Variants in CDIN1 observed in about 807,000 individuals in gnomAD.
The protein encoded by CDIN1 is CDAN1 interacting nuclease 1.
CDIN1 carries 33 observed loss-of-function variants against 45.3 expected under a neutral mutation model. That is an observed-to-expected ratio of 0.73 (90% CI 0.55 to 0.97). CDIN1 has a LOEUF of 0.97. Ranked by LOEUF, CDIN1 falls within the 50% of genes least tolerant of loss-of-function variation. The pLI, the probability that CDIN1 is intolerant of heterozygous loss-of-function variation, is 0.00. For missense variants in CDIN1, 303 were observed against 339.4 expected (o/e 0.89, Z 0.84); for synonymous variants, 118 against 124.4 (o/e 0.95, Z 0.34).
intron 4 of CDIN1, among the ~76,000 whole-genome samples, chr15:36,656,313 G>A (rs184982811): frequency 1.3e-4 from 20 of 152,212 alleles, no homozygotes; most frequent in Admixed American, 4.6e-4. Context: ...ACATTACAGG[G>A]TGCAGCAACT....
At chr15:36,794,690 A>T (rs1240529825) in intron 10 of CDIN1, among the ~76,000 whole-genome samples, 1 of 152,172 alleles carries the variant, frequency 6.6e-6, no homozygotes, top group African/African-American at 2.4e-5. Flanking sequence ...TTCTTTATCC[A>T]TTCATACATC....
chr15:36,775,090 G>A (rs1321647315), intron 10 of CDIN1, among the ~76,000 whole-genome samples: 1 of 152,218 alleles, frequency 6.6e-6, no homozygotes, highest in Non-Finnish European at 1.5e-5. Context: ...ACATGTCGCA[G>A]AGAAACCTTA....
At chr15:36,632,638 G>A (rs185622233) in intron 1 of CDIN1, among the ~76,000 whole-genome samples, 199 of 152,286 alleles carry the variant, frequency 1.3e-3, no homozygotes, top group Non-Finnish European at 2.1e-3. Flanking sequence ...GCATATGCAT[G>A]TTATAAGTGT....
chr15:36,619,217 T>A, intron 1 of CDIN1: 1 of 1,308,784 alleles, frequency 7.6e-7, no homozygotes, highest in Non-Finnish European at 1.0e-6. Context: ...CCTCAGGGAG[T>A]GACATGACGT....
chr15:36,654,244 C>T, intron 4 of CDIN1, 86 bp downstream of exon 4: 1 of 1,054,322 alleles, frequency 9.5e-7, no homozygotes, highest in South Asian at 1.5e-5. Flanking sequence ...TTATAACTAC[C>T]TTTGGAAAAA....
chr15:36,621,462 A>C (rs1182688811), intron 1 of CDIN1, among the ~76,000 whole-genome samples: 2 of 152,210 alleles, frequency 1.3e-5, no homozygotes, highest in Non-Finnish European at 2.9e-5. Flanking sequence ...ATGGTATACT[A>C]TATTTACTCA....
At chr15:36,757,366 G>A (rs2053635815) in intron 10 of CDIN1, among the ~76,000 whole-genome samples, 1 of 152,166 alleles carries the variant, frequency 6.6e-6, no homozygotes, top group South Asian at 2.1e-4. Flanking sequence ...CTTCACAGTA[G>A]TGAGTTGTAG....
intron 1 of CDIN1, among the ~76,000 whole-genome samples, chr15:36,588,838 G>A (rs546227664): frequency 4.5e-4 from 68 of 152,270 alleles, no homozygotes; most frequent in African/African-American, 1.5e-3. Context: ...GTGTAGCTGC[G>A]AAAGGGATAT....
At chr15:36,805,088 C>T (rs1279506852) in intron 10 of CDIN1, among the ~76,000 whole-genome samples, 1 of 151,880 alleles carries the variant, frequency 6.6e-6, no homozygotes, top group African/African-American at 2.4e-5. Context: ...TTTTTCAAGG[C>T]GTATTTGTTG....
rs148416606 is a variant in CDIN1 at position 36,721,659 on chromosome 15, A to G, written c.716+11698A>G. Among the ~76,000 whole-genome samples the G allele has an allele frequency of 1.2e-3, 182 of 152,242 alleles. 2 individuals are homozygous for G. The highest frequency in any genetic ancestry group is 4.0e-3 in the African/African-American group (167 of 41,554). On this transcript the variant is annotated intron_variant, in intron 10 of 10. Transcript: ENST00000566621. ...TTTTTGGAGTGGCTTATAAATGTCA[A>G]TTAGGTCAAACTGGTTGTTTGTGTC...
At chr15:36,618,622 GA>G in intron 1 of CDIN1, 1 of 822,372 alleles carries the variant, frequency 1.2e-6, no homozygotes, top group Non-Finnish European at 2.2e-6. Flanking sequence ...TGTCTACAAA[GA>G]AAAGGATAAT....
intron 10 of CDIN1, among the ~76,000 whole-genome samples, chr15:36,794,870 T>C (rs988632896): frequency 1.4e-4 from 21 of 152,110 alleles, no homozygotes; most frequent in South Asian, 4.2e-4. Flanking sequence ...AACAAAGATA[T>C]AGAATCAACC....
chr15:36,697,522 A>T (rs999693349), intron 8 of CDIN1, 132 bp downstream of exon 8: 3 of 728,112 alleles, frequency 4.1e-6, no homozygotes, highest in Non-Finnish European at 6.6e-6. Flanking sequence ...ATTGATTTGG[A>T]ACTGAGCAGG....
chr15:36,758,370 G>C (rs1181201691), intron 10 of CDIN1, among the ~76,000 whole-genome samples: 2 of 152,048 alleles, frequency 1.3e-5, no homozygotes, highest in Non-Finnish European at 2.9e-5. Flanking sequence ...TTGTTTCATT[G>C]GGGACAATCT....
At chr15:36,684,000 T>A (rs1242789996) in intron 5 of CDIN1, among the ~76,000 whole-genome samples, 1 of 146,698 alleles carries the variant, frequency 6.8e-6, no homozygotes, top group Admixed American at 7.0e-5. Flanking sequence ...TTTCTAGATA[T>A]ACAATCATGT....
At chr15:36,659,679 A>G (rs893751017) in intron 5 of CDIN1, among the ~76,000 whole-genome samples, 2 of 150,346 alleles carry the variant, frequency 1.3e-5, no homozygotes, top group Non-Finnish European at 1.5e-5. Context: ...GTTATTTTTA[A>G]TCATCATACT....
chr15:36,788,649 A>T (rs2054568662), intron 10 of CDIN1, among the ~76,000 whole-genome samples: 1 of 152,210 alleles, frequency 6.6e-6, no homozygotes, highest in Non-Finnish European at 1.5e-5. Flanking sequence ...TCAAAACAAA[A>T]TTATTACTTA....
chr15:36,596,265 A>T (rs1328551469), intron 1 of CDIN1, among the ~76,000 whole-genome samples: 1 of 151,862 alleles, frequency 6.6e-6, no homozygotes, highest in Admixed American at 6.6e-5. Context: ...TCTCCCTAGG[A>T]GGATTCGACC....
intron 10 of CDIN1, among the ~76,000 whole-genome samples, chr15:36,773,519 T>C (rs1595581180): frequency 6.6e-6 from 1 of 152,180 alleles, no homozygotes; most frequent in Non-Finnish European, 1.5e-5. Flanking sequence ...AGATCTGGGG[T>C]ACAGGCTCTT....
Sources: gnomAD v4.1 joint callset for allele counts (sites outside exome capture counted in the v4.1 genomes callset) on GRCh38, gnomAD v4.1.1 for gene constraint, MANE v1.5 for transcripts, NCBI Gene and HGNC (gene_info 2026-07-23, HGNC 2026-07-21) for gene names.